Variants in MYPN observed in about 807,000 individuals in gnomAD.
MYPN encodes the protein myopalladin.
Under a neutral mutation model 129.4 loss-of-function variants are expected in MYPN, and 63 were observed. The ratio of observed to expected loss-of-function variants is 0.49; its 90% CI spans 0.40 to 0.60. MYPN has a LOEUF of 0.60. Among genes scored for constraint, MYPN ranks in the 20% least tolerant of loss-of-function variants. The probability of loss-of-function intolerance (pLI) is 0.00; values close to 1 mark genes in which losing one functional copy is unlikely to be tolerated. For synonymous variants in MYPN, 629 were observed against 600.9 expected (o/e 1.05, Z -0.68); for missense variants, 1,596 against 1,635.4 (o/e 0.98, Z 0.42).
At chr10:68,111,527 T>C (rs1437518210) in intron 1 of MYPN, among the ~76,000 whole-genome samples, 1 of 152,234 alleles carries the variant, frequency 6.6e-6, no homozygotes, top group East Asian at 1.9e-4. Flanking sequence ...TTTTAAAATA[T>C]CTCTGTGGTG....
intron 1 of MYPN, among the ~76,000 whole-genome samples, chr10:68,110,150 G>A (rs2042061593): frequency 6.6e-6 from 1 of 152,128 alleles, no homozygotes; most frequent in Non-Finnish European, 1.5e-5. Flanking sequence ...CATGTAAAAG[G>A]ATACGCTTGC....
intron 2 of MYPN, chr10:68,135,523 A>G: frequency 1.0e-6 from 1 of 983,358 alleles, no homozygotes; most frequent in Non-Finnish European, 1.2e-6. Flanking sequence ...GTGAGTAAGC[A>G]AATGTACTAC....
At chr10:68,193,497 T>C (rs1461385384) in intron 13 of MYPN, among the ~76,000 whole-genome samples, 1 of 152,232 alleles carries the variant, frequency 6.6e-6, no homozygotes, top group Non-Finnish European at 1.5e-5. Context: ...CAAAGTGAAC[T>C]GTATTAGGTT....
chr10:68,145,320 G>A (rs180958500), intron 3 of MYPN, among the ~76,000 whole-genome samples, 155 bp from the exon 4 acceptor site: 439 of 152,122 alleles, frequency 2.9e-3, no homozygotes, highest in Middle Eastern at 0.01. Flanking sequence ...CACCACGCCC[G>A]GCGTTACTGA....
chr10:68,155,411 C>G (rs2042855587), intron 6 of MYPN, among the ~76,000 whole-genome samples: 1 of 152,190 alleles, frequency 6.6e-6, no homozygotes, highest in Non-Finnish European at 1.5e-5. Flanking sequence ...TGATGCCACA[C>G]AAGATAGATT....
intron 15 of MYPN, 111 bp from the exon 16 acceptor site, chr10:68,197,241 T>C (rs1163411595): frequency 2.2e-6 from 2 of 923,086 alleles, no homozygotes; most frequent in Non-Finnish European, 3.2e-6. Context: ...CTTTCCCCCT[T>C]CAAAAAAAAA....
chr10:68,097,363 C>G (rs1200621316), intron 1 of MYPN, among the ~76,000 whole-genome samples: 1 of 152,220 alleles, frequency 6.6e-6, no homozygotes, highest in African/African-American at 2.4e-5. Context: ...TCTGACTCAT[C>G]AGTCTAGGTG....
chr10:68,133,768 C>T (rs1291298414), intron 2 of MYPN, among the ~76,000 whole-genome samples: 1 of 151,522 alleles, frequency 6.6e-6, no homozygotes, highest in African/African-American at 2.4e-5. Context: ...GAGCCACAAG[C>T]ACAGCCAATT....
chr10:68,136,286 C>A, intron 2 of MYPN: 1 of 990,104 alleles, frequency 1.0e-6, no homozygotes, highest in Non-Finnish European at 1.2e-6. Context: ...CTTTAACCAT[C>A]TGGACCTGCC....
chr10:68,145,363 A>G, intron 3 of MYPN, 112 bp from the exon 4 acceptor site: 1 of 851,410 alleles, frequency 1.2e-6, no homozygotes, highest in Non-Finnish European at 1.9e-6. Flanking sequence ...GTATTCAGAT[A>G]TTTAGGAATC....
chr10:68,178,595 C>T (rs7903429), intron 12 of MYPN, among the ~76,000 whole-genome samples: 21,046 of 151,606 alleles, frequency 0.14, 1,929 homozygotes, highest in Middle Eastern at 0.25. Context: ...TGCCTGTAGT[C>T]CCAACTACTC....
intron 2 of MYPN, among the ~76,000 whole-genome samples, chr10:68,135,253 A>G (rs2042469035): frequency 6.6e-6 from 1 of 152,170 alleles, no homozygotes; most frequent in Non-Finnish European, 1.5e-5. Flanking sequence ...GTGCCCAACC[A>G]GAACTCAATA....
At chr10:68,142,906 G>A (rs1231180826) in intron 2 of MYPN, 34 bp from the exon 3 acceptor site, 5 of 1,604,724 alleles carry the variant, frequency 3.1e-6, no homozygotes, top group Non-Finnish European at 4.3e-6. Context: ...TTGCATTTGA[G>A]TCATGTCCAA....
rs1478527231 is a variant in MYPN, at chr10:68,211,166, G to T, written c.*711G>T. On this transcript the variant is annotated 3_prime_UTR_variant, in exon 20 of 20. Transcript: ENST00000358913. ...TGTCTGCACTATTTTCTTTTGGGTG[G>T]TGACTGTTTTTTTCTGACTTTGCAT... 1 of 454,082 alleles carries T rather than the reference G, an allele frequency of 2.2e-6. No individual in the cohort carries two copies. Among genetic ancestry groups the T allele is most frequent in the Non-Finnish European group, 4.4e-6 (1 of 226,792 alleles). The allele number at this position is 454,082 out of a possible 1,614,324, so 28.1% of individuals were successfully genotyped here. A position where few individuals can be genotyped will look rare whatever the true frequency, so the allele number is the denominator to read the frequency against.
At chr10:68,196,393 G>A (rs1001582241) in intron 15 of MYPN, among the ~76,000 whole-genome samples, 2 of 151,592 alleles carry the variant, frequency 1.3e-5, no homozygotes, top group African/African-American at 4.8e-5. Flanking sequence ...TGACACAGAC[G>A]AATTAAATGT....
At chr10:68,205,212 T>G (rs980437285) in intron 18 of MYPN, among the ~76,000 whole-genome samples, 6 of 152,226 alleles carry the variant, frequency 3.9e-5, no homozygotes, top group African/African-American at 1.2e-4. Flanking sequence ...AGTATCTTCA[T>G]GCCTCCTTCT....
intron 16 of MYPN, among the ~76,000 whole-genome samples, chr10:68,198,084 T>C (rs2134293301): frequency 6.6e-6 from 1 of 152,346 alleles, no homozygotes; most frequent in South Asian, 2.1e-4. Flanking sequence ...ACTGAAACTT[T>C]AGACAAAAGG....
chr10:68,189,466 T>C (rs984952432), intron 13 of MYPN, among the ~76,000 whole-genome samples: 3 of 152,210 alleles, frequency 2.0e-5, no homozygotes, highest in African/African-American at 7.2e-5. Context: ...TTATTTCTTC[T>C]ATCTAACTGT....
chr10:68,202,438 A>C (rs1388447735), intron 18 of MYPN, among the ~76,000 whole-genome samples: 1 of 149,524 alleles, frequency 6.7e-6, no homozygotes, highest in Non-Finnish European at 1.5e-5. Context: ...GTCTCAAAAA[A>C]AAGAAAAAAA....
Sources: allele counts gnomAD v4.1 joint callset (sites outside exome capture counted in the v4.1 genomes callset), GRCh38; gene constraint gnomAD v4.1.1; transcripts MANE v1.5; gene names NCBI Gene and HGNC (gene_info 2026-07-23, HGNC 2026-07-21).